MIGA1: variants seen among roughly 807,000 people sequenced by gnomAD.
MIGA1 encodes the protein mitoguardin 1.
In MIGA1, 58 loss-of-function variants were observed where a neutral mutation model predicts 82.0. The ratio of observed to expected loss-of-function variants is 0.71; its 90% CI spans 0.57 to 0.88. The LOEUF (loss-of-function observed/expected upper bound fraction) is 0.88. Among genes scored for constraint, MIGA1 ranks in the 40% least tolerant of loss-of-function variants. The pLI, the probability that MIGA1 is intolerant of heterozygous loss-of-function variation, is 0.00. For missense variants in MIGA1, 751 were observed against 749.1 expected (o/e 1.00, Z -0.03); for synonymous variants, 249 against 253.6 (o/e 0.98, Z 0.17).
intron 4 of MIGA1, among the ~76,000 whole-genome samples, chr1:77,804,371 T>TA (rs1366078118): frequency 6.6e-6 from 1 of 152,134 alleles, no homozygotes; most frequent in Non-Finnish European, 1.5e-5. Flanking sequence ...AACATTAATT[T>TA]AAAAAACAGG....
intron 2 of MIGA1, among the ~76,000 whole-genome samples, chr1:77,783,912 C>T (rs986991232): frequency 2.0e-5 from 3 of 152,194 alleles, no homozygotes; most frequent in African/African-American, 4.8e-5. Flanking sequence ...TAGAACCCTA[C>T]AGAATTTTTT....
At chr1:77,819,080 CAAAAAA>C (rs745979095) in intron 7 of MIGA1, among the ~76,000 whole-genome samples, 1 of 63,334 alleles carries the variant, frequency 1.6e-5, no homozygotes, top group Non-Finnish European at 3.3e-5. Flanking sequence ...AACTCTGTCC[CAAAAAA>C]AAAAAAAAAA....
intron 2 of MIGA1, among the ~76,000 whole-genome samples, chr1:77,785,619 A>G (rs1446026658): frequency 6.6e-6 from 1 of 152,166 alleles, no homozygotes; most frequent in African/African-American, 2.4e-5. Flanking sequence ...CTGGGATTAC[A>G]GGTGTGAGCC....
At chr1:77,866,162 G>T (rs1037855142) in intron 13 of MIGA1, among the ~76,000 whole-genome samples, 176 bp from the exon 14 acceptor site, 3 of 151,950 alleles carry the variant, frequency 2.0e-5, no homozygotes, top group Non-Finnish European at 2.9e-5. Flanking sequence ...TGATCCACCC[G>T]CCTCGGCTTC....
At chr1:77,840,619 C>G (rs1684594124) in intron 7 of MIGA1, among the ~76,000 whole-genome samples, 2 of 152,056 alleles carry the variant, frequency 1.3e-5, no homozygotes, top group African/African-American at 4.8e-5. Flanking sequence ...TGGAGACCAG[C>G]CTGACCAACA....
intron 12 of MIGA1, among the ~76,000 whole-genome samples, chr1:77,862,914 C>T (rs911314027): frequency 6.6e-6 from 1 of 150,632 alleles, no homozygotes; most frequent in African/African-American, 2.4e-5. Flanking sequence ...GCACTCCAGC[C>T]TGGGTGACAG....
At chr1:77,800,466 C>A (rs1682832507) in intron 2 of MIGA1, among the ~76,000 whole-genome samples, 2 of 152,160 alleles carry the variant, frequency 1.3e-5, no homozygotes, top group Non-Finnish European at 2.9e-5. Context: ...AGTCAGAATA[C>A]TTTATTTTGT....
chr1:77,842,018 A>C (rs952636566), intron 7 of MIGA1, among the ~76,000 whole-genome samples: 5 of 151,440 alleles, frequency 3.3e-5, no homozygotes, highest in Non-Finnish European at 7.4e-5. Context: ...CCTGGACTCA[A>C]GTGATCCTCC....
chr1:77,810,901 G>A (rs1007988761), intron 5 of MIGA1: 16 of 1,611,708 alleles, frequency 9.9e-6, no homozygotes, highest in Non-Finnish European at 1.3e-5. Context: ...AAGATAAAGT[G>A]GTTTCTTGGT....
chr1:77,829,785 A>G (rs1684173600), intron 7 of MIGA1, among the ~76,000 whole-genome samples: 1 of 151,780 alleles, frequency 6.6e-6, no homozygotes, highest in Admixed American at 6.6e-5. Context: ...AAGTTTTTTT[A>G]AATGTATTTT....
At position 77,783,003 on chromosome 1, in the gene MIGA1, GC is replaced by G; in HGVS notation, c.82-234del. The G allele has an allele frequency of 1.6e-5, 6 of 381,958 alleles. No individual in the cohort carries two copies. The South Asian group carries it at 3.2e-4, about 21-fold the overall frequency. 23.7% of individuals were successfully genotyped at this position (381,958 alleles called of 1,614,324 possible). A position where few individuals can be genotyped will look rare whatever the true frequency, so the allele number is the denominator to read the frequency against. The stretch of plus-strand genomic sequence containing the variant: ...TACCCGGACTCAAAGTTTAAATCTA[GC>G]TTTTTTTTTTTTTTAACTTCTTATT... On this transcript the variant is annotated intron_variant, in intron 1 of 15. Coordinates refer to ENST00000370791, the MANE Select transcript of MIGA1 (RefSeq NM_198549.4).
intron 7 of MIGA1, among the ~76,000 whole-genome samples, chr1:77,835,909 C>T (rs1262991354): frequency 1.3e-5 from 2 of 151,938 alleles, no homozygotes; most frequent in Admixed American, 1.3e-4. Context: ...GATCGCTCCA[C>T]TGCACTCCAG....
intron 8 of MIGA1, among the ~76,000 whole-genome samples, chr1:77,852,022 T>A (rs1202518526): frequency 6.6e-6 from 1 of 151,908 alleles, no homozygotes; most frequent in Non-Finnish European, 1.5e-5. Flanking sequence ...GTAGGTGGGA[T>A]TACAGGCATG....
intron 7 of MIGA1, among the ~76,000 whole-genome samples, chr1:77,841,776 T>A (rs1001590682): frequency 3.3e-5 from 5 of 151,456 alleles, no homozygotes; most frequent in Admixed American, 6.6e-5. Flanking sequence ...TCTCTCCCTC[T>A]CTCTCTCTTT....
At chr1:77,870,160 G>A (rs1685890242) in intron 14 of MIGA1, among the ~76,000 whole-genome samples, 1 of 109,916 alleles carries the variant, frequency 9.1e-6, no homozygotes, top group Admixed American at 8.1e-5. Flanking sequence ...TCCCAGTAGG[G>A]GCGGCCGGGC....
At chr1:77,787,626 T>G (rs1570916862) in intron 2 of MIGA1, among the ~76,000 whole-genome samples, 1 of 151,912 alleles carries the variant, frequency 6.6e-6, no homozygotes, top group Non-Finnish European at 1.5e-5. Flanking sequence ...TGACCTCAGG[T>G]GATCTGCCCG....
intron 2 of MIGA1, among the ~76,000 whole-genome samples, chr1:77,794,535 A>G (rs1682573881): frequency 6.6e-6 from 1 of 152,186 alleles, no homozygotes; most frequent in South Asian, 2.1e-4. Flanking sequence ...TCACAATATC[A>G]GGGGATACAT....
intron 8 of MIGA1, among the ~76,000 whole-genome samples, chr1:77,845,414 A>G (rs1684799665): frequency 6.6e-6 from 1 of 152,118 alleles, no homozygotes; most frequent in African/African-American, 2.4e-5. Flanking sequence ...AATTGCTCTA[A>G]AGTTTTTTTT....
At chr1:77,865,972 G>A (rs534016769) in intron 13 of MIGA1, among the ~76,000 whole-genome samples, 1 of 152,216 alleles carries the variant, frequency 6.6e-6, no homozygotes, top group African/African-American at 2.4e-5. Flanking sequence ...GAGTGCAGTG[G>A]CGCGATCTCT....
Sources: gnomAD v4.1 joint callset for allele counts (sites outside exome capture counted in the v4.1 genomes callset) on GRCh38, gnomAD v4.1.1 for gene constraint, MANE v1.5 for transcripts, NCBI Gene and HGNC (gene_info 2026-07-23, HGNC 2026-07-21) for gene names.